R3HDML: variants seen among roughly 807,000 people sequenced by gnomAD.
R3HDML encodes R3H domain containing like, also known as peptidase inhibitor R3HDML.
R3HDML carries 21 observed loss-of-function variants against 24.2 expected under a neutral mutation model. The observed-to-expected ratio is 0.87, with a 90% CI of 0.62 to 1.25. The LOEUF is 1.25. Ranked by LOEUF, R3HDML falls within the 50% of genes most tolerant of loss-of-function variation. The pLI is 0.00. For missense variants in R3HDML, 301 were observed against 340.3 expected, an observed-to-expected ratio of 0.88 and a Z score of 0.91; for synonymous variants, 133 against 131.5, an observed-to-expected ratio of 1.01 and a Z score of -0.08.
chr20:44,337,261 A>G lies in R3HDML; in HGVS notation c.104A>G (p.Gln35Arg). ...IMPNATPAPA[Q>R]PESTAMRLLS... is the part of the protein sequence containing the mutation. ...CCTAATGCTACCCCAGCCCCGGCCC[A>G]GCCCGAGAGCACGGCTATGCGGCTC... Residue 35 changes from glutamine (Q) to arginine (R), a missense_variant, in exon 1 of 5, where the codon CAG becomes CGG. Coordinates refer to ENST00000217043, the MANE Select transcript of R3HDML (RefSeq NM_178491.4). The surrounding 1 kb of genome is among the most constrained non-coding windows in gnomAD (Gnocchi z 4.7). The G allele has an allele frequency of 6.2e-7, 1 of 1,614,146 alleles. No individual in the cohort carries two copies. The highest frequency in any genetic ancestry group is 8.5e-7 in the Non-Finnish European group (1 of 1,180,040).
intron 2 of R3HDML, 46 bp downstream of exon 2, chr20:44,341,360 C>T (rs981463546): frequency 7.0e-7 from 1 of 1,435,768 alleles, no homozygotes; most frequent in African/African-American, 1.4e-5. Context: ...TCAACAAATA[C>T]TCATTGAACA....
rs985809307 is a variant in R3HDML, at chr20:44,351,229, A to G, written c.*437A>G. Reference sequence around the variant, plus strand: ...CCCCATCTCTATTTAGAAACAAACAAACAAACAAATAAAAAACCTGGCACC... The same window carrying G: ...CCCCATCTCTATTTAGAAACAAACAGACAAACAAATAAAAAACCTGGCACC... On this transcript the variant is annotated 3_prime_UTR_variant, in exon 5 of 5. Coordinates refer to ENST00000217043, the MANE Select transcript of R3HDML (RefSeq NM_178491.4). 2 of 154,390 alleles carry G rather than the reference A, an allele frequency of 1.3e-5. No individual in the cohort carries two copies. Among genetic ancestry groups the G allele is most frequent in the African/African-American group, 4.8e-5 (2 of 41,476 alleles). The allele number at this position is 154,390 out of a possible 1,614,324, so 9.6% of individuals were successfully genotyped here. A position where few individuals can be genotyped will look rare whatever the true frequency, so the allele number is the denominator to read the frequency against.
intron 4 of R3HDML, 62 bp from the exon 5 acceptor site, chr20:44,350,598 C>T (rs887209227): frequency 3.1e-5 from 47 of 1,537,972 alleles, no homozygotes; most frequent in Middle Eastern, 2.1e-4. Flanking sequence ...GAGATCTGGA[C>T]ATCTGTGTGA....
In R3HDML at chr20:44,337,442, AC is replaced by A. The variant is rs1184355489; in HGVS notation, c.261+30del. 6.7e-7 allele frequency: 1 copy of A among 1,490,784 alleles called. No homozygotes were observed. 92.3% of individuals were successfully genotyped at this position (1,490,784 alleles called of 1,614,324 possible). A position where few individuals can be genotyped will look rare whatever the true frequency, so the allele number is the denominator to read the frequency against. On this transcript the variant is annotated intron_variant, in intron 1 of 4. Coordinates refer to ENST00000217043, the MANE Select transcript of R3HDML (RefSeq NM_178491.4). The surrounding 1 kb of genome is among the most constrained non-coding windows in gnomAD (Gnocchi z 4.7). Reference sequence around the variant, plus strand: ...TGGTGAGTCCCCGTACCTGCCCCCCACCCCCCGCAGTGTCCCTTCCGGCAAA... The same window carrying A: ...TGGTGAGTCCCCGTACCTGCCCCCCACCCCCGCAGTGTCCCTTCCGGCAAA...
Position 44,350,808 on chromosome 20 carries a change from TG to T in R3HDML, c.*18del. ...GTGGTTCTGAATTTTCTCTGGGCTTTGGTGCGCCTCCAGCTGGGCCTGACCC... is the reference window on the plus strand; with the variant it reads ...GTGGTTCTGAATTTTCTCTGGGCTTTGTGCGCCTCCAGCTGGGCCTGACCC... On this transcript the variant is annotated 3_prime_UTR_variant, in exon 5 of 5. Transcript: ENST00000217043. 6.2e-7 allele frequency: 1 copy of T among 1,613,624 alleles called. No homozygotes were observed. Among genetic ancestry groups the T allele is most frequent in the Non-Finnish European group, 8.5e-7 (1 of 1,179,756 alleles).
At chr20:44,349,250 C>T (rs2062801455) in intron 4 of R3HDML, among the ~76,000 whole-genome samples, 1 of 152,128 alleles carries the variant, frequency 6.6e-6, no homozygotes, top group Admixed American at 6.6e-5. Flanking sequence ...ATGACTAGAA[C>T]CAAGTTATAA....
Position 44,344,063 on chromosome 20 carries a change from C to T in R3HDML, c.513+554C>T, listed in dbSNP as rs111247508. ...TTTGGGAGGCCAAGGGGGTGGATCA[C>T]GAGATCAGGAGATCAAGACCATCCT... On this transcript the variant is annotated intron_variant, in intron 3 of 4. Transcript: ENST00000217043. Among the ~76,000 whole-genome samples, 134 of 152,106 alleles carry T rather than the reference C, an allele frequency of 8.8e-4. 1 individual carries two copies. The highest frequency in any genetic ancestry group is 3.0e-3 in the African/African-American group (126 of 41,496).
Position 44,345,349 on chromosome 20 carries a change from G to A in R3HDML, c.600G>A (p.Ala200=), listed in dbSNP as rs760651284. 7 of 1,613,802 alleles carry A rather than the reference G, an allele frequency of 4.3e-6. No homozygotes were observed. Among genetic ancestry groups the A allele is most frequent in the East Asian group, 4.5e-5 (2 of 44,892 alleles). Residue 200 remains alanine, a synonymous_variant, in exon 4 of 5, where the codon GCG becomes GCA. Transcript: ENST00000217043. ...ISVWGNTWHR[A]AYLVCNYAIK... is the part of the protein sequence containing the mutation. ...TCTGGGGCAACACCTGGCATCGGGCGGCATACCTGGTCTGCAACTATGCCA... is the reference window on the plus strand; with the variant it reads ...TCTGGGGCAACACCTGGCATCGGGCAGCATACCTGGTCTGCAACTATGCCA...
At position 44,337,058 on chromosome 20, in the gene R3HDML, A is replaced by C. The variant is rs1186822927; in HGVS notation, c.-100A>C. 3 of 1,439,544 alleles carry C rather than the reference A, an allele frequency of 2.1e-6. No homozygotes were observed. In the East Asian group the frequency reaches 6.9e-5, roughly 33 times the overall value. The allele number at this position is 1,439,544 out of a possible 1,614,324, so 89.2% of individuals were successfully genotyped here. A position where few individuals can be genotyped will look rare whatever the true frequency, so the allele number is the denominator to read the frequency against. Reference sequence around the variant, plus strand: ...AGGAGGCAGCATCCTCTGGGTCGGCACTGTTGGAGAACGCTCAGGGTCTGG... The same window carrying C: ...AGGAGGCAGCATCCTCTGGGTCGGCCCTGTTGGAGAACGCTCAGGGTCTGG... On this transcript the variant is annotated 5_prime_UTR_variant, in exon 1 of 5. Coordinates refer to ENST00000217043, the MANE Select transcript of R3HDML (RefSeq NM_178491.4). This position sits in a 1 kb window ranked among gnomAD's most constrained non-coding sequence, Gnocchi z 4.7.
intron 4 of R3HDML, among the ~76,000 whole-genome samples, chr20:44,349,440 C>T (rs1235023407): frequency 6.6e-6 from 1 of 152,134 alleles, no homozygotes; most frequent in Non-Finnish European, 1.5e-5. Context: ...CTTCTGAGAG[C>T]ACCTTTTGAG....
intron 2 of R3HDML, 146 bp from the exon 3 acceptor site, chr20:44,343,231 C>CA: frequency 1.1e-6 from 1 of 943,308 alleles, no homozygotes; most frequent in South Asian, 1.6e-5. Context: ...GCCTGTGAGG[C>CA]AGGGCCACTG....
chr20:44,350,057 G>A (rs540529426), intron 4 of R3HDML, among the ~76,000 whole-genome samples: 18 of 152,050 alleles, frequency 1.2e-4, no homozygotes, highest in African/African-American at 2.9e-4. Context: ...GTGACAGAGC[G>A]AGACTCCCTC....
chr20:44,350,629 C>T (rs1223582279), intron 4 of R3HDML, 31 bp from the exon 5 acceptor site: 2 of 1,604,596 alleles, frequency 1.2e-6, no homozygotes, highest in Non-Finnish European at 1.7e-6. Context: ...CCTAATGCTC[C>T]TCTGTCTCCC....
At chr20:44,349,114 G>A (rs530718435) in intron 4 of R3HDML, among the ~76,000 whole-genome samples, 4 of 150,230 alleles carry the variant, frequency 2.7e-5, no homozygotes, top group South Asian at 4.2e-4. Context: ...GCGACAATGC[G>A]AGACTCTATC....
rs1459496658 is a variant in R3HDML, at chr20:44,341,204, C to A, written c.270C>A (p.Asp90Glu). 6.2e-7 allele frequency: 1 copy of A among 1,612,146 alleles called. No individual in the cohort carries two copies. Among genetic ancestry groups the A allele is most frequent in the Non-Finnish European group, 8.5e-7 (1 of 1,178,822 alleles). Residue 90 changes from aspartate to glutamate, a missense_variant, in exon 2 of 5, where the codon GAC becomes GAA. Coordinates refer to ENST00000217043, the MANE Select transcript of R3HDML (RefSeq NM_178491.4). The part of the protein sequence containing the change: ...PAANMEYMVW[D>E]KRLARAAEAW... ...TGCCTTTCTTTCCCCAGGTCTGGGA[C>A]AAGCGGCTGGCCAGGGCTGCCGAAG...
chr20:44,340,036 C>T (rs370018272), intron 1 of R3HDML, among the ~76,000 whole-genome samples: 8 of 152,192 alleles, frequency 5.3e-5, no homozygotes, highest in Non-Finnish European at 7.4e-5. Flanking sequence ...CTCACTGCAA[C>T]CTCGGTCTCC....
rs138631302 is a variant in R3HDML at position 44,344,456 on chromosome 20, T to G, written c.514-807T>G. On this transcript the variant is annotated intron_variant, in intron 3 of 4. Coordinates refer to ENST00000217043, the MANE Select transcript of R3HDML (RefSeq NM_178491.4). Reference sequence around the variant, plus strand: ...CCCACCTCTCTAAAAATAATAATAATTTAAAAAGGAAATGAATAGAAAAGT... The same window carrying G: ...CCCACCTCTCTAAAAATAATAATAAGTTAAAAAGGAAATGAATAGAAAAGT... Among the ~76,000 whole-genome samples, 943 of 151,404 alleles carry G rather than the reference T, an allele frequency of 6.2e-3. 7 individuals are homozygous for G. The highest frequency in any genetic ancestry group is 9.9e-3 in the Non-Finnish European group (669 of 67,852).
At position 44,345,337 on chromosome 20, in the gene R3HDML, C is replaced by G. The variant is rs202187624; in HGVS notation, c.588C>G (p.Thr196=). ...GTAGCATCAGTGTCTGGGGCAACACCTGGCATCGGGCGGCATACCTGGTCT... is the reference window on the plus strand; with the variant it reads ...GTAGCATCAGTGTCTGGGGCAACACGTGGCATCGGGCGGCATACCTGGTCT... ...TCSSISVWGN[T]WHRAAYLVCN... The change falls in exon 4 of 5, where the codon ACC becomes ACG. Residue 196 remains threonine, a synonymous_variant. Transcript: ENST00000217043. 6.2e-7 allele frequency: 1 copy of G among 1,614,136 alleles called. No individual in the cohort carries two copies. The highest frequency in any genetic ancestry group is 1.7e-5 in the Admixed American group (1 of 60,002).
At chr20:44,342,641 A>C (rs2062775227) in intron 2 of R3HDML, among the ~76,000 whole-genome samples, 1 of 152,192 alleles carries the variant, frequency 6.6e-6, no homozygotes, top group African/African-American at 2.4e-5. Flanking sequence ...TGCCCCTGTC[A>C]AATATGTGTA....
Sources: allele counts gnomAD v4.1 joint callset (sites outside exome capture counted in the v4.1 genomes callset), GRCh38; gene constraint gnomAD v4.1.1; non-coding constraint Gnocchi (gnomAD v3.1); transcripts MANE v1.5; gene names NCBI Gene and HGNC (gene_info 2026-07-23, HGNC 2026-07-21).